Variants in PIK3C2G observed in about 807,000 individuals in gnomAD.
PIK3C2G encodes the protein phosphatidylinositol 3-kinase C2 domain-containing subunit gamma.
In PIK3C2G, 168 loss-of-function variants were observed where a neutral mutation model predicts 181.1. The observed-to-expected ratio is 0.93, with a 90% CI of 0.82 to 1.05. The LOEUF is 1.05. PIK3C2G is among the 50% of genes least tolerant of loss of function. PIK3C2G has a pLI of 0.00. For synonymous variants in PIK3C2G, 573 were observed against 592.2 expected (o/e 0.97, Z 0.47); for missense variants, 1,869 against 1,732.8 (o/e 1.08, Z -1.40).
rs1283484615 is a variant in PIK3C2G at position 18,336,730 on chromosome 12, C to A, written c.1273-1696C>A. 2.6e-5 allele frequency among the ~76,000 whole-genome samples: 4 copies of A among 152,098 alleles called. No homozygotes were observed. The South Asian group carries it at 6.2e-4, about 24-fold the overall frequency. On this transcript the variant is annotated intron_variant, in intron 8 of 32. Transcript: ENST00000538779. ...CCATGAAAGACAAAATAGATCTCAA[C>A]TAAATTGCATCTTTTTACTTTTAGC...
intron 16 of PIK3C2G, among the ~76,000 whole-genome samples, chr12:18,415,895 A>G (rs1226149982): frequency 6.6e-6 from 1 of 152,186 alleles, no homozygotes; most frequent in African/African-American, 2.4e-5. Flanking sequence ...GAAAGTTAAG[A>G]GAGATGAGGA....
intron 26 of PIK3C2G, among the ~76,000 whole-genome samples, chr12:18,551,841 A>G (rs1467109967): frequency 6.6e-6 from 1 of 152,064 alleles, no homozygotes; most frequent in Non-Finnish European, 1.5e-5. Context: ...AGCATATTCT[A>G]TTGTTCCCTG....
At chr12:18,340,660 A>G (rs1428202770) in intron 9 of PIK3C2G, among the ~76,000 whole-genome samples, 1 of 152,208 alleles carries the variant, frequency 6.6e-6, no homozygotes, top group Non-Finnish European at 1.5e-5. Context: ...AAGATCTACC[A>G]GTTTCTATCT....
chr12:18,376,656 C>T (rs558404511), intron 13 of PIK3C2G, among the ~76,000 whole-genome samples: 1 of 152,294 alleles, frequency 6.6e-6, no homozygotes, highest in South Asian at 2.1e-4. Context: ...TCCTCCAAAT[C>T]TTGTGCTGAA....
In PIK3C2G at chr12:18,295,685, A is replaced by C. The variant is rs533204905; in HGVS notation, c.1034+1670A>C. Among the ~76,000 whole-genome samples the C allele has an allele frequency of 9.4e-5, 14 of 149,232 alleles. No homozygotes were observed. In the South Asian group the frequency reaches 2.1e-3, roughly 22 times the overall value. On this transcript the variant is annotated intron_variant, in intron 5 of 32. Transcript: ENST00000538779. ...TTTTATTAAGATAGGAAAGTTGCCA[A>C]ATATTAATATATGTAAAATATAGTC...
intron 15 of PIK3C2G, among the ~76,000 whole-genome samples, chr12:18,396,650 T>G (rs932369250): frequency 3.2e-4 from 49 of 151,800 alleles, no homozygotes; most frequent in African/African-American, 1.2e-3. Context: ...TAAAAATATA[T>G]ATAAAATAAA....
intron 18 of PIK3C2G, among the ~76,000 whole-genome samples, chr12:18,458,265 A>T (rs1212903762): frequency 3.9e-5 from 6 of 152,186 alleles, no homozygotes; most frequent in African/African-American, 1.4e-4. Flanking sequence ...AAGAAATGTT[A>T]GTGTGAAGCA....
chr12:18,486,069 T>C (rs1287441890), intron 18 of PIK3C2G, among the ~76,000 whole-genome samples: 2 of 152,140 alleles, frequency 1.3e-5, no homozygotes, highest in Non-Finnish European at 2.9e-5. Context: ...AAAGTGTCTG[T>C]GCCTGAAAAT....
intron 12 of PIK3C2G, among the ~76,000 whole-genome samples, chr12:18,365,501 C>T (rs988122292): frequency 6.6e-6 from 1 of 152,180 alleles, no homozygotes; most frequent in African/African-American, 2.4e-5. Flanking sequence ...TCTCAATCCT[C>T]ATCTTACATG....
At position 18,574,147 on chromosome 12, in the gene PIK3C2G, G is replaced by T. The variant is rs140503626; in HGVS notation, c.4011+7090G>T. 4.1e-3 allele frequency among the ~76,000 whole-genome samples: 618 copies of T among 152,212 alleles called. 6 individuals are homozygous for T. Among genetic ancestry groups the T allele is most frequent in the African/African-American group, 0.014 (586 of 41,538 alleles). ...GATGAATGCTACATTTCATAGGGAG[G>T]CACCAAACTAACAGAATATTCTAGA... On this transcript the variant is annotated intron_variant, in intron 29 of 32. Transcript: ENST00000538779.
intron 15 of PIK3C2G, among the ~76,000 whole-genome samples, chr12:18,397,130 A>G (rs1366486132): frequency 6.6e-6 from 1 of 151,964 alleles, no homozygotes; most frequent in African/African-American, 2.4e-5. Context: ...ACCTATTTGT[A>G]TGTTCAATTT....
intron 24 of PIK3C2G, among the ~76,000 whole-genome samples, chr12:18,531,920 T>A (rs1323328350): frequency 6.6e-6 from 1 of 152,120 alleles, no homozygotes; most frequent in Non-Finnish European, 1.5e-5. Flanking sequence ...TGTATGGTAG[T>A]TGTATCTTGT....
intron 31 of PIK3C2G, among the ~76,000 whole-genome samples, chr12:18,637,346 C>T (rs1393371037): frequency 6.6e-6 from 1 of 151,788 alleles, no homozygotes; most frequent in Non-Finnish European, 1.5e-5. Context: ...AATTGAGAGG[C>T]CGTAACTCTC....
chr12:18,650,712 C>CTATCTATA (rs1950456326), downstream of PIK3C2G, among the ~76,000 whole-genome samples: 1 of 14,620 alleles, frequency 6.8e-5, no homozygotes, highest in African/African-American at 2.9e-4. Context: ...GTGTATATAT[C>CTATCTATA]TATATATATA....
chr12:18,311,875 A>G (rs1263889912), intron 5 of PIK3C2G, among the ~76,000 whole-genome samples: 1 of 152,146 alleles, frequency 6.6e-6, no homozygotes, highest in African/African-American at 2.4e-5. Context: ...CCGAGTCCCA[A>G]AAACCTCAAA....
rs375427718 is a variant in PIK3C2G at position 18,371,278 on chromosome 12, T to C, written c.1847T>C (p.Leu616Pro). 6.2e-7 allele frequency: 1 copy of C among 1,611,778 alleles called. No individual in the cohort carries two copies. Among genetic ancestry groups the C allele is most frequent in the Non-Finnish European group, 8.5e-7 (1 of 1,178,818 alleles). The change falls in exon 13 of 33, where the codon CTG (leucine) becomes CCG (proline). Residue 616 changes from leucine (L) to proline (P), a missense_variant. Transcript: ENST00000538779. The part of the protein sequence containing the change: ...IACATNNANL[L>P]AWTCLPLFPK... ...TGTGCAACCAACAATGCAAATTTAC[T>C]GGCGTGGACTTGTCTTCCACTGTTT...
chr12:18,559,315 G>A (rs796918466), intron 26 of PIK3C2G, among the ~76,000 whole-genome samples: 4 of 152,150 alleles, frequency 2.6e-5, no homozygotes, highest in African/African-American at 9.6e-5. Context: ...AGGCAACAAG[G>A]TATACCCTAA....
intron 1 of PIK3C2G, among the ~76,000 whole-genome samples, chr12:18,262,647 A>G (rs990841454): frequency 2.6e-5 from 4 of 151,200 alleles, no homozygotes; most frequent in African/African-American, 4.8e-5. Flanking sequence ...TCTACCTCCT[A>G]TAGAAAAGGT....
chr12:18,353,878 G>A (rs976797643), intron 11 of PIK3C2G, among the ~76,000 whole-genome samples: 3 of 152,166 alleles, frequency 2.0e-5, no homozygotes, highest in African/African-American at 7.2e-5. Flanking sequence ...GTATAGTTGA[G>A]AGGCTTGGTC....
Sources: gnomAD v4.1 joint callset for allele counts (sites outside exome capture counted in the v4.1 genomes callset) on GRCh38, gnomAD v4.1.1 for gene constraint, MANE v1.5 for transcripts, NCBI Gene and HGNC (gene_info 2026-07-23, HGNC 2026-07-21) for gene names.